Variants in ABHD17C observed in about 807,000 individuals in gnomAD.
The protein encoded by ABHD17C is abhydrolase domain containing 17C, depalmitoylase.
In ABHD17C, 11 loss-of-function variants were observed where a neutral mutation model predicts 27.9. That is an observed-to-expected ratio of 0.39 (90% CI 0.25 to 0.65). The LOEUF (loss-of-function observed/expected upper bound fraction) is 0.65, where lower values mean the gene tolerates loss of function less well. Among genes scored for constraint, ABHD17C ranks in the 30% least tolerant of loss-of-function variants. The pLI is 0.45. For synonymous variants in ABHD17C, 233 were observed against 209.1 expected (o/e 1.11, Z -0.98); for missense variants, 280 against 470.2 (o/e 0.60, Z 3.74).
chr15:80,749,588 G>C lies in ABHD17C; in HGVS notation c.666G>C (p.Ser222=), dbSNP rs751119606. 1.9e-6 allele frequency: 3 copies of C among 1,613,792 alleles called. No homozygotes were observed. The highest frequency in any genetic ancestry group is 4.5e-5 in the East Asian group (2 of 44,878). ...CTGTCCCCACGGTAGACTTGGCCTC[G>C]AGGTATGAATGCGCAGCGGTAATTC... ...IGTVPTVDLA[S]RYECAAVILH... is the part of the protein sequence containing the mutation. The change falls in exon 2 of 3, where the codon TCG becomes TCC. Residue 222 remains serine (S), a synonymous_variant. Transcript: ENST00000258884.
chr15:80,732,452 C>CAGAAGGAA (rs1895069827), intron 1 of ABHD17C, among the ~76,000 whole-genome samples: 1 of 152,176 alleles, frequency 6.6e-6, no homozygotes, highest in Non-Finnish European at 1.5e-5. Flanking sequence ...CTTTAGTTTC[C>CAGAAGGAA]TTCTCTATGA....
chr15:80,751,237 G>A (rs573783989), intron 2 of ABHD17C, among the ~76,000 whole-genome samples: 1 of 152,120 alleles, frequency 6.6e-6, no homozygotes, highest in South Asian at 2.1e-4. Context: ...GTGCACACCT[G>A]TAATCCCAGC....
intron 1 of ABHD17C, among the ~76,000 whole-genome samples, chr15:80,728,953 G>A (rs564636049): frequency 6.6e-6 from 1 of 152,324 alleles, no homozygotes; most frequent in East Asian, 1.9e-4. Flanking sequence ...TTCAAGAGTT[G>A]ATGAGACACG....
At chr15:80,729,174 C>G (rs988761006) in intron 1 of ABHD17C, among the ~76,000 whole-genome samples, 5 of 152,150 alleles carry the variant, frequency 3.3e-5, no homozygotes, top group Admixed American at 3.3e-4. Context: ...TAAATTCTTC[C>G]TTTCTCTATT....
intron 1 of ABHD17C, among the ~76,000 whole-genome samples, chr15:80,723,449 A>G (rs987845963): frequency 6.6e-6 from 1 of 152,162 alleles, no homozygotes; most frequent in Non-Finnish European, 1.5e-5. Flanking sequence ...TAAGGAAGGA[A>G]CTGACTAGAT....
At chr15:80,727,737 T>G (rs1185853609) in intron 1 of ABHD17C, among the ~76,000 whole-genome samples, 2 of 152,050 alleles carry the variant, frequency 1.3e-5, no homozygotes, top group Non-Finnish European at 2.9e-5. Context: ...GTGCTGTTCT[T>G]TGGCCTGATT....
intron 1 of ABHD17C, among the ~76,000 whole-genome samples, chr15:80,743,479 A>AG (rs977622678): frequency 9.2e-5 from 14 of 152,356 alleles, no homozygotes; most frequent in Non-Finnish European, 2.1e-4. Context: ...CATGCTGACT[A>AG]GCAGGAATCA....
At chr15:80,729,180 C>G (rs1258312392) in intron 1 of ABHD17C, among the ~76,000 whole-genome samples, 1 of 152,180 alleles carries the variant, frequency 6.6e-6, no homozygotes, top group Non-Finnish European at 1.5e-5. Context: ...CTTCCTTTCT[C>G]TATTTCTGGT....
chr15:80,695,377 G>A lies in ABHD17C; in HGVS notation c.-53G>A, dbSNP rs1167196323. On this transcript the variant is annotated 5_prime_UTR_variant, in exon 1 of 3. Coordinates refer to ENST00000258884, the MANE Select transcript of ABHD17C (RefSeq NM_021214.2). This position sits in a 1 kb window ranked among gnomAD's most constrained non-coding sequence, Gnocchi z 4.3. ...CGCGCGTCCGTCCTCCGTCCTCCCG[G>A]GCCAGCCAGCCAGCCAGCCAGCCGG... 35 of 1,140,754 alleles carry A rather than the reference G, an allele frequency of 3.1e-5. No individual in the cohort carries two copies. Among genetic ancestry groups the A allele is most frequent in the Middle Eastern group, 7.2e-4 (2 of 2,774 alleles). 70.7% of individuals were successfully genotyped at this position (1,140,754 alleles called of 1,614,324 possible).
intron 1 of ABHD17C, among the ~76,000 whole-genome samples, chr15:80,727,921 TC>T (rs1221948905): frequency 2.0e-5 from 3 of 152,134 alleles, no homozygotes; most frequent in African/African-American, 7.2e-5. Context: ...CTGCCACTCC[TC>T]CCTGGGTGCA....
Position 80,710,885 on chromosome 15 carries a change from G to A in ABHD17C, c.590+14866G>A, listed in dbSNP as rs572758786. On this transcript the variant is annotated intron_variant, in intron 1 of 2. Coordinates refer to ENST00000258884, the MANE Select transcript of ABHD17C (RefSeq NM_021214.2). ...AGCCACCGTGCCCAGCAGAATTGCT[G>A]TTGATTGAGATGGGGAGGGCTGTGA... Among the ~76,000 whole-genome samples the A allele has an allele frequency of 1.4e-4, 22 of 152,170 alleles. No homozygotes were observed. In the South Asian group the frequency reaches 3.9e-3, roughly 27 times the overall value.
chr15:80,739,291 G>C (rs1202862767), intron 1 of ABHD17C, among the ~76,000 whole-genome samples: 1 of 152,152 alleles, frequency 6.6e-6, no homozygotes, highest in East Asian at 1.9e-4. Context: ...CTGACTGCCA[G>C]GTTCCACAGG....
chr15:80,710,771 TCACTATGTTGTCCA>T (rs1287570984), intron 1 of ABHD17C, among the ~76,000 whole-genome samples: 1 of 152,098 alleles, frequency 6.6e-6, no homozygotes, highest in African/African-American at 2.4e-5. Context: ...AGATGGGGTC[TCACTATGTTGTCCA>T]GGCTGGAACT....
intron 1 of ABHD17C, among the ~76,000 whole-genome samples, chr15:80,699,992 T>A (rs1256487086): frequency 6.6e-6 from 1 of 152,242 alleles, no homozygotes; most frequent in Non-Finnish European, 1.5e-5. Context: ...TTGAAATCAC[T>A]TAGACATATC....
intron 1 of ABHD17C, among the ~76,000 whole-genome samples, chr15:80,700,712 A>G (rs1392320551): frequency 6.6e-6 from 1 of 152,118 alleles, no homozygotes; most frequent in Non-Finnish European, 1.5e-5. Context: ...AGCCTGGGCA[A>G]CATAGTTGGG....
At chr15:80,704,263 G>A (rs1365691787) in intron 1 of ABHD17C, among the ~76,000 whole-genome samples, 2 of 152,242 alleles carry the variant, frequency 1.3e-5, no homozygotes, top group East Asian at 1.9e-4. Flanking sequence ...CCTCTCTCTG[G>A]GGTTGGCTCC....
intron 2 of ABHD17C, among the ~76,000 whole-genome samples, chr15:80,750,875 A>T (rs1252256382): frequency 6.6e-6 from 1 of 152,062 alleles, no homozygotes; most frequent in African/African-American, 2.4e-5. Flanking sequence ...CAACAAAACT[A>T]ATAGTTTTTT....
chr15:80,705,942 C>G (rs1894642195), intron 1 of ABHD17C, among the ~76,000 whole-genome samples: 1 of 152,206 alleles, frequency 6.6e-6, no homozygotes, highest in South Asian at 2.1e-4. Flanking sequence ...CAAACCATTC[C>G]TGGTTTGCCC....
chr15:80,754,428 C>T lies in ABHD17C; in HGVS notation c.*58C>T, dbSNP rs1895407910. 1.8e-5 allele frequency: 26 copies of T among 1,431,610 alleles called. No individual in the cohort carries two copies. The highest frequency in any genetic ancestry group is 2.4e-5 in the Non-Finnish European group (25 of 1,045,372). The allele number at this position is 1,431,610 out of a possible 1,614,324, so 88.7% of individuals were successfully genotyped here. On this transcript the variant is annotated 3_prime_UTR_variant, in exon 3 of 3. Coordinates refer to ENST00000258884, the MANE Select transcript of ABHD17C (RefSeq NM_021214.2). Reference sequence around the variant, plus strand: ...GAACAGAAGAGTCCTCTGTTTTGCACATGCTTTAACTGGGTAGCTGTAAAG... The same window carrying T: ...GAACAGAAGAGTCCTCTGTTTTGCATATGCTTTAACTGGGTAGCTGTAAAG...
Sources: gnomAD v4.1 joint callset for allele counts (sites outside exome capture counted in the v4.1 genomes callset) on GRCh38, gnomAD v4.1.1 for gene constraint, Gnocchi (gnomAD v3.1) non-coding constraint, MANE v1.5 for transcripts, NCBI Gene and HGNC (gene_info 2026-07-23, HGNC 2026-07-21) for gene names.